The following EDA2R variants were observed in gnomAD, a reference collection of about 807,000 sequenced individuals.
The protein encoded by EDA2R is tumor necrosis factor receptor superfamily member 27.
Under a neutral mutation model 20.1 loss-of-function variants are expected in EDA2R, and 26 were observed. That is an observed-to-expected ratio of 1.30 (90% confidence interval 0.95 to 1.80). The LOEUF (loss-of-function observed/expected upper bound fraction) is 1.80, where lower values mean the gene tolerates loss of function less well. EDA2R is among the 40% of genes most tolerant of loss of function. EDA2R has a pLI of 0.00. For missense variants in EDA2R, 277 were observed against 228.7 expected (o/e 1.21, Z -1.36); for synonymous variants, 114 against 88.7 (o/e 1.29, Z -1.60).
At chrX:66,620,197 T>C (rs2147875373) in intron 1 of EDA2R, among the ~76,000 whole-genome samples, 1 of 112,587 alleles carries the variant, frequency 8.9e-6, no homozygotes, top group African/African-American at 3.2e-5. Context: ...TTACTATTGT[T>C]GTGTAGTATC....
rs1927550375 is a variant in EDA2R at position 66,596,916 on chromosome X, T to C, written c.*1188A>G. The C allele has an allele frequency of 8.9e-6, 1 of 112,785 alleles. No homozygotes were observed. Among genetic ancestry groups the C allele is most frequent in the Non-Finnish European group, 1.9e-5 (1 of 53,380 alleles). 9.3% of individuals were successfully genotyped at this position (112,785 alleles called of 1,213,427 possible). ...CCAGTACAATGGGACCTTTTTGCTT[T>C]TTCCCAAGTCCTTTTAGTAATCTGA... On this transcript the variant is annotated 3_prime_UTR_variant, in exon 7 of 7. Coordinates refer to ENST00000374719, the MANE Select transcript of EDA2R (RefSeq NM_021783.5).
intron 2 of EDA2R, among the ~76,000 whole-genome samples, chrX:66,605,709 C>G (rs1293762388): frequency 8.9e-6 from 1 of 111,776 alleles, no homozygotes; most frequent in Non-Finnish European, 1.9e-5. Flanking sequence ...TATTGCTTTA[C>G]TCACATGTCC....
chrX:66,598,183 C>T, intron 6 of EDA2R, 90 bp from the exon 7 acceptor site: 1 of 297,991 alleles, frequency 3.4e-6, no homozygotes, highest in Admixed American at 4.3e-5. Context: ...ATAGGTTAAG[C>T]CAATGGTTGA....
At chrX:66,618,428 G>A (rs756694430) in intron 1 of EDA2R, among the ~76,000 whole-genome samples, 184 of 111,672 alleles carry the variant, frequency 1.6e-3, no homozygotes, top group African/African-American at 5.4e-3. Context: ...ATATGTAACC[G>A]CCTTTTAAAA....
chrX:66,602,515 T>C, intron 5 of EDA2R, 118 bp downstream of exon 5: 1 of 826,575 alleles, frequency 1.2e-6, no homozygotes, highest in East Asian at 3.6e-5. Flanking sequence ...AGACTATTCA[T>C]GGGGTTTTCA....
Position 66,602,771 on chromosome X carries a change from C to T in EDA2R, c.379G>A (p.Ala127Thr), listed in dbSNP as rs141563563. The T allele has an allele frequency of 5.9e-6, 7 of 1,190,950 alleles. No homozygotes were observed. The African/African-American group carries it at 1.1e-4, about 18-fold the overall frequency. ...TGAGGGGGCACTGTGGGTGTATCTG[C>T]CTCCACTAAGCTCAACTGGAAGGCA... ...QCAFQLSLVE[A>T]DTPTVPPQEA... The change falls in exon 5 of 7, where the codon GCA becomes ACA. Residue 127 changes from alanine (A) to threonine (T), a missense_variant. By Grantham distance (58) the Ala-to-Thr change is moderately conservative. Transcript: ENST00000374719.
chrX:66,620,232 T>G (rs1443860873), intron 1 of EDA2R, among the ~76,000 whole-genome samples: 1 of 112,393 alleles, frequency 8.9e-6, no homozygotes, highest in Non-Finnish European at 1.9e-5. Context: ...TACCACAATT[T>G]ATATATTTTT....
chrX:66,599,898 AG>A lies in EDA2R; in HGVS notation c.518-39del, dbSNP rs771131570. On this transcript the variant is annotated intron_variant, in intron 5 of 6. Coordinates refer to ENST00000374719, the MANE Select transcript of EDA2R (RefSeq NM_021783.5). ...GCAGAAAGCCACTGGGTTACCCAAA[AG>A]CAGGGGCTCTTCTCAGCTGGGCACT... The A allele has an allele frequency of 2.3e-5, 27 of 1,183,133 alleles. No homozygotes were observed. The South Asian group carries it at 5.0e-4, about 22-fold the overall frequency.
intron 1 of EDA2R, among the ~76,000 whole-genome samples, chrX:66,628,179 G>T (rs189480975): frequency 1.1e-3 from 118 of 111,197 alleles, no homozygotes; most frequent in Non-Finnish European, 1.6e-3. Context: ...ACACAGCAAA[G>T]GTGGTGCTAA....
chrX:66,619,802 G>C (rs1036105869), intron 1 of EDA2R, among the ~76,000 whole-genome samples: 1 of 111,904 alleles, frequency 8.9e-6, no homozygotes, highest in Non-Finnish European at 1.9e-5. Context: ...TAATGTGGAA[G>C]TGCTCTAAAA....
Position 66,626,979 on chromosome X carries a change from A to G in EDA2R, c.-10-10949T>C, listed in dbSNP as rs915881717. The stretch of plus-strand genomic sequence containing the variant: ...GCCCTATATTCAGCCTCCTAAAAAT[A>G]TACAACTATCAGCCAGGAATTTTGT... On this transcript the variant is annotated intron_variant, in intron 1 of 6. Coordinates refer to ENST00000374719, the MANE Select transcript of EDA2R (RefSeq NM_021783.5). 9.9e-5 allele frequency among the ~76,000 whole-genome samples: 11 copies of G among 111,556 alleles called. No individual in the cohort carries two copies. In the South Asian group the frequency reaches 1.5e-3, roughly 15 times the overall value.
chrX:66,633,139 G>C (rs1934001057), intron 1 of EDA2R, among the ~76,000 whole-genome samples: 1 of 112,419 alleles, frequency 8.9e-6, no homozygotes, highest in South Asian at 3.7e-4. Context: ...TTGGCCAAAA[G>C]TAAATGCTAA....
At chrX:66,608,527 G>A (rs979373722) in intron 2 of EDA2R, among the ~76,000 whole-genome samples, 39 of 112,194 alleles carry the variant, frequency 3.5e-4, no homozygotes, top group African/African-American at 1.3e-3. Context: ...GAGACTTAAA[G>A]TCAGTGAGAT....
intron 6 of EDA2R, 111 bp downstream of exon 6, chrX:66,599,363 G>A (rs1012419765): frequency 6.7e-6 from 6 of 893,776 alleles, no homozygotes; most frequent in Non-Finnish European, 9.0e-6. Flanking sequence ...GCTTGCTGCT[G>A]TTCCTCCACT....
chrX:66,626,786 A>T, intron 1 of EDA2R, among the ~76,000 whole-genome samples: 1 of 74,031 alleles, frequency 1.4e-5, no homozygotes, highest in Non-Finnish European at 2.4e-5. Context: ...AAGGAAGAGG[A>T]GGGAAGGGGA....
At chrX:66,632,584 A>T (rs2148040682) in intron 1 of EDA2R, among the ~76,000 whole-genome samples, 1 of 107,532 alleles carries the variant, frequency 9.3e-6, no homozygotes. Flanking sequence ...ACATGACAGC[A>T]ACGAAGAAGG....
chrX:66,612,956 A>G (rs1312734742), intron 2 of EDA2R, among the ~76,000 whole-genome samples: 1 of 111,456 alleles, frequency 9.0e-6, no homozygotes, highest in East Asian at 2.8e-4. Context: ...TAGCCAGAAA[A>G]CATTGATATT....
At chrX:66,632,354 G>T (rs1364936355) in intron 1 of EDA2R, among the ~76,000 whole-genome samples, 1 of 110,941 alleles carries the variant, frequency 9.0e-6, no homozygotes, top group Non-Finnish European at 1.9e-5. Context: ...AACCCTGGAG[G>T]CAGAGGTTGC....
intron 4 of EDA2R, among the ~76,000 whole-genome samples, chrX:66,603,212 G>A (rs5965276): frequency 0.068 from 7,590 of 111,467 alleles, 636 homozygotes; most frequent in African/African-American, 0.24. Flanking sequence ...GGGGAAAAAG[G>A]AAGTTGGAGA....
Sources: gnomAD v4.1 joint callset for allele counts (sites outside exome capture counted in the v4.1 genomes callset) on GRCh38, gnomAD v4.1.1 for gene constraint, MANE v1.5 for transcripts, NCBI Gene and HGNC (gene_info 2026-07-23, HGNC 2026-07-21) for gene names.